The following CLPSL2 variants were observed in gnomAD, a reference collection of about 807,000 sequenced individuals.
CLPSL2 encodes colipase like 2, also known as colipase-like protein 2.
CLPSL2 carries 4 observed loss-of-function variants against 7.9 expected under a neutral mutation model. The observed-to-expected ratio is 0.50, with a 90% CI of 0.25 to 1.15. CLPSL2 has a LOEUF of 1.15. CLPSL2 is among the 50% of genes most tolerant of loss of function. The pLI is 0.15. For missense variants in CLPSL2, 132 were observed against 136.6 expected (o/e 0.97, Z 0.17); for synonymous variants, 67 against 53.1 (o/e 1.26, Z -1.14).
chr6:35,778,823 TG>T (rs1321546186), intron 2 of CLPSL2, among the ~76,000 whole-genome samples: 1 of 152,170 alleles, frequency 6.6e-6, no homozygotes, highest in African/African-American at 2.4e-5. Flanking sequence ...GACAGAGTTT[TG>T]CTCTTGTTGC....
At chr6:35,778,171 G>T (rs1767884585) in intron 2 of CLPSL2, among the ~76,000 whole-genome samples, 1 of 152,184 alleles carries the variant, frequency 6.6e-6, no homozygotes, top group African/African-American at 2.4e-5. Context: ...GGCCAAGCCG[G>T]TCTTGAACTC....
chr6:35,777,039 CTCT>C (rs1306990145), intron 1 of CLPSL2, among the ~76,000 whole-genome samples: 2 of 152,250 alleles, frequency 1.3e-5, no homozygotes, highest in Admixed American at 6.5e-5. Context: ...GTTTCTCCTC[CTCT>C]TCTTCCACCT....
chr6:35,776,702 G>T lies in CLPSL2; in HGVS notation c.84G>T (p.Lys28Asn), dbSNP rs987323297. Residue 28 changes from lysine (K) to asparagine (N), a missense_variant and splice_region_variant, in exon 1 of 3, where the codon AAG (lysine) becomes AAT (asparagine). Coordinates refer to ENST00000403376, the MANE Select transcript of CLPSL2 (RefSeq NM_207409.4). ...GGAGCGCGCTTCCGCAATATAAAAA[G>T]GTGAGCCGGGGAGCGCGCCCAGCCG... ...PLWSALPQYK[K>N]KITDRCFHHS... 4.9e-6 allele frequency: 7 copies of T among 1,416,424 alleles called. No individual in the cohort carries two copies. Among genetic ancestry groups the T allele is most frequent in the East Asian group, 6.0e-5 (2 of 33,058 alleles). 87.7% of individuals were successfully genotyped at this position (1,416,424 alleles called of 1,614,324 possible).
intron 1 of CLPSL2, 113 bp from the exon 2 acceptor site, chr6:35,777,346 A>C: frequency 1.6e-6 from 2 of 1,269,002 alleles, no homozygotes; most frequent in East Asian, 2.4e-5. Flanking sequence ...TGACAACCTC[A>C]TGACTTCTCC....
At chr6:35,777,371 C>T in intron 1 of CLPSL2, 88 bp from the exon 2 acceptor site, 1 of 1,464,242 alleles carries the variant, frequency 6.8e-7, no homozygotes, top group Non-Finnish European at 9.4e-7. Context: ...TCCCTGGGCT[C>T]TTTGGCAATG....
At chr6:35,777,758 C>A in intron 2 of CLPSL2, 177 bp downstream of exon 2, 1 of 760,254 alleles carries the variant, frequency 1.3e-6, no homozygotes, top group Non-Finnish European at 2.3e-6. Context: ...TCTGAGAAGG[C>A]TTCCCTCCTT....
chr6:35,776,906 T>A, intron 1 of CLPSL2: 1 of 454,376 alleles, frequency 2.2e-6, no homozygotes, highest in East Asian at 3.7e-5. Context: ...GGAGAGAAAT[T>A]GGCCTATGAC....
intron 2 of CLPSL2, 79 bp from the exon 3 acceptor site, chr6:35,779,276 G>A: frequency 1.6e-6 from 2 of 1,223,488 alleles, no homozygotes; most frequent in South Asian, 3.0e-5. Flanking sequence ...GGTACTCTTG[G>A]TTCTGGTCCC....
At chr6:35,777,648 A>G in intron 2 of CLPSL2, 67 bp downstream of exon 2, 4 of 1,446,632 alleles carry the variant, frequency 2.8e-6, no homozygotes, top group Non-Finnish European at 3.7e-6. Context: ...AAAAAAAAAC[A>G]CCTGGCCCCA....
In CLPSL2 at chr6:35,779,439, C is replaced by G; in HGVS notation, c.292C>G (p.His98Asp). Residue 98 changes from histidine to aspartate, a missense_variant, in exon 3 of 3, where the codon CAT becomes GAT. His to Asp is a moderately conservative substitution (Grantham distance 81). Transcript: ENST00000403376. ...SKDLMCSRRC[H>D]MI Reference sequence around the variant, plus strand: ...GGACTTGATGTGTTCCCGCCGGTGCCATATGATTTAGAGGAAGATGCAGGC... The same window carrying G: ...GGACTTGATGTGTTCCCGCCGGTGCGATATGATTTAGAGGAAGATGCAGGC... The G allele has an allele frequency of 6.3e-7, 1 of 1,581,292 alleles. No homozygotes were observed.
At chr6:35,777,410 G>A in intron 1 of CLPSL2, 49 bp from the exon 2 acceptor site, 1 of 1,476,262 alleles carries the variant, frequency 6.8e-7, no homozygotes, top group Non-Finnish European at 9.3e-7. Flanking sequence ...CCGCCCACAC[G>A]ACTCAGGGAT....
chr6:35,778,756 A>G (rs376716636), intron 2 of CLPSL2, among the ~76,000 whole-genome samples: 7 of 152,098 alleles, frequency 4.6e-5, no homozygotes, highest in African/African-American at 1.2e-4. Flanking sequence ...GGCCCCTACC[A>G]TGGCCTGACC....
chr6:35,777,653 G>A, intron 2 of CLPSL2, 72 bp downstream of exon 2: 1 of 1,479,660 alleles, frequency 6.8e-7, no homozygotes, highest in Non-Finnish European at 9.1e-7. Context: ...AAAACACCTG[G>A]CCCCACCTGT....
intron 2 of CLPSL2, 42 bp downstream of exon 2, chr6:35,777,623 C>A (rs756857965): frequency 6.4e-7 from 1 of 1,569,662 alleles, no homozygotes; most frequent in Admixed American, 2.0e-5. Flanking sequence ...AGTAGAGAAG[C>A]GGGCAGGGAG....
intron 2 of CLPSL2, chr6:35,778,068 G>T (rs1305762267): frequency 1.8e-6 from 1 of 556,154 alleles, no homozygotes; most frequent in Non-Finnish European, 3.4e-6. Flanking sequence ...CGATTCTTGG[G>T]CCTCAGCCTC....
chr6:35,777,489 G>C lies in CLPSL2; in HGVS notation c.115G>C (p.Glu39Gln). ...KITDRCFHHS[E>Q]CYSGCCLMDL... ...CACAGACAGGTGCTTCCACCACTCT[G>C]AGTGCTACAGTGGCTGCTGCCTCAT... The change falls in exon 2 of 3, where the codon GAG (glutamate) becomes CAG (glutamine). Residue 39 changes from glutamate to glutamine, a missense_variant. Coordinates refer to ENST00000403376, the MANE Select transcript of CLPSL2 (RefSeq NM_207409.4). The C allele has an allele frequency of 6.2e-7, 1 of 1,613,782 alleles. No individual in the cohort carries two copies. Among genetic ancestry groups the C allele is most frequent in the Non-Finnish European group, 8.5e-7 (1 of 1,179,794 alleles).
At chr6:35,776,749 G>T in intron 1 of CLPSL2, 47 bp downstream of exon 1, 1 of 1,340,664 alleles carries the variant, frequency 7.5e-7, no homozygotes, top group South Asian at 1.8e-5. Context: ...AGGAGAGGGT[G>T]GCCCCGCCGC....
chr6:35,776,654 G>A lies in CLPSL2; in HGVS notation c.36G>A (p.Leu12=). Residue 12 remains leucine, a synonymous_variant, in exon 1 of 3, where the codon CTG becomes CTA. Coordinates refer to ENST00000403376, the MANE Select transcript of CLPSL2 (RefSeq NM_207409.4). ...CCCTGGCGCTCGTGGCGGGGGTCCTGTCGGGGGCGGTGCTGCCCCTCTGGA... is the reference window on the plus strand; with the variant it reads ...CCCTGGCGCTCGTGGCGGGGGTCCTATCGGGGGCGGTGCTGCCCCTCTGGA... ...AAALALVAGV[L]SGAVLPLWSA... is the part of the protein sequence containing the mutation. The A allele has an allele frequency of 6.7e-7, 1 of 1,494,092 alleles. No individual in the cohort carries two copies. The highest frequency in any genetic ancestry group is 8.9e-7 in the Non-Finnish European group (1 of 1,129,412). 92.6% of individuals were successfully genotyped at this position (1,494,092 alleles called of 1,614,324 possible).
chr6:35,777,380 T>A (rs1767858880), intron 1 of CLPSL2, 79 bp from the exon 2 acceptor site: 1 of 1,495,492 alleles, frequency 6.7e-7, no homozygotes, highest in South Asian at 1.2e-5. Context: ...TCTTTGGCAA[T>A]GGTGGGAACC....
Sources: gnomAD v4.1 joint callset for allele counts (sites outside exome capture counted in the v4.1 genomes callset) on GRCh38, gnomAD v4.1.1 for gene constraint, MANE v1.5 for transcripts, NCBI Gene and HGNC (gene_info 2026-07-23, HGNC 2026-07-21) for gene names.